The following ATP8A2 variants were observed in gnomAD, a reference collection of about 807,000 sequenced individuals.
ATP8A2 encodes the protein phospholipid-transporting ATPase IB.
ATP8A2 carries 100 observed loss-of-function variants against 165.6 expected under a neutral mutation model. The ratio of observed to expected loss-of-function variants is 0.60; its 90% CI spans 0.51 to 0.71. The LOEUF (loss-of-function observed/expected upper bound fraction) is 0.71. Among genes scored for constraint, ATP8A2 ranks in the 30% least tolerant of loss-of-function variants. The pLI, the probability that ATP8A2 is intolerant of heterozygous loss-of-function variation, is 0.00. For synonymous variants in ATP8A2, 543 were observed against 548.8 expected (o/e 0.99, Z 0.15); for missense variants, 1,227 against 1,479.5 (o/e 0.83, Z 2.80).
chr13:25,658,186 C>T (rs2041975199), intron 24 of ATP8A2, among the ~76,000 whole-genome samples: 1 of 152,178 alleles, frequency 6.6e-6, no homozygotes, highest in Non-Finnish European at 1.5e-5. Flanking sequence ...TTGGCTGTCA[C>T]TAAAAATTAT....
At chr13:25,795,061 T>A (rs1285320481) in intron 27 of ATP8A2, among the ~76,000 whole-genome samples, 3 of 152,174 alleles carry the variant, frequency 2.0e-5, no homozygotes, top group Admixed American at 1.3e-4. Context: ...ATTAATTCTA[T>A]GCATTATAAA....
chr13:25,683,380 C>T (rs950576880), intron 24 of ATP8A2, among the ~76,000 whole-genome samples: 1 of 152,134 alleles, frequency 6.6e-6, no homozygotes. Flanking sequence ...TCTTAAAATG[C>T]GTGATTTCGT....
chr13:25,533,665 G>C (rs1437124161), intron 6 of ATP8A2, among the ~76,000 whole-genome samples: 1 of 152,186 alleles, frequency 6.6e-6, no homozygotes, highest in Admixed American at 6.5e-5. Context: ...AACATTTTTG[G>C]GTGGAAAGGT....
chr13:25,473,358 T>C (rs980096658), intron 2 of ATP8A2, among the ~76,000 whole-genome samples: 15 of 152,182 alleles, frequency 9.9e-5, no homozygotes, highest in Admixed American at 4.6e-4. Context: ...CTACTAGGGA[T>C]TGATTTTCTA....
chr13:25,745,310 T>G (rs2044006947), intron 25 of ATP8A2, among the ~76,000 whole-genome samples: 1 of 152,208 alleles, frequency 6.6e-6, no homozygotes, highest in African/African-American at 2.4e-5. Flanking sequence ...AGAACTCAGC[T>G]TGCTCCTTGT....
chr13:25,637,801 A>C (rs1464039743), intron 24 of ATP8A2, among the ~76,000 whole-genome samples: 1 of 152,164 alleles, frequency 6.6e-6, no homozygotes, highest in Non-Finnish European at 1.5e-5. Context: ...GAATGGACAG[A>C]CTACCTCTTC....
At chr13:25,966,575 C>G (rs1195383131) in intron 34 of ATP8A2, among the ~76,000 whole-genome samples, 2 of 152,152 alleles carry the variant, frequency 1.3e-5, no homozygotes, top group African/African-American at 4.8e-5. Context: ...CAGTGTTTTC[C>G]AATAGCAACA....
chr13:25,837,328 T>C, intron 29 of ATP8A2, 43 bp downstream of exon 29: 1 of 1,607,308 alleles, frequency 6.2e-7, no homozygotes, highest in South Asian at 1.1e-5. Context: ...CAGAAAGGCG[T>C]GGCTGTTTGA....
intron 25 of ATP8A2, among the ~76,000 whole-genome samples, chr13:25,718,718 A>G (rs184404454): frequency 1.4e-3 from 209 of 152,320 alleles, no homozygotes; most frequent in African/African-American, 4.9e-3. Flanking sequence ...TTTAGCCCCA[A>G]ATAAGAAAGA....
chr13:25,414,186 G>GTT (rs10528594), intron 1 of ATP8A2, among the ~76,000 whole-genome samples: 214 of 119,026 alleles, frequency 1.8e-3, no homozygotes, highest in Non-Finnish European at 2.6e-3. Flanking sequence ...GGGCTGTGGT[G>GTT]TTTTTTTTTT....
At chr13:25,956,725 C>A (rs1056917236) in intron 33 of ATP8A2, among the ~76,000 whole-genome samples, 1 of 152,182 alleles carries the variant, frequency 6.6e-6, no homozygotes, top group Non-Finnish European at 1.5e-5. Context: ...ATGCTCTCCC[C>A]ATCAAGCTAC....
intron 2 of ATP8A2, among the ~76,000 whole-genome samples, chr13:25,528,021 T>C (rs762211889): frequency 6.6e-6 from 1 of 152,220 alleles, no homozygotes; most frequent in Admixed American, 6.5e-5. Context: ...GCTGTAGAGG[T>C]ATGCATGATA....
chr13:25,692,772 G>A (rs556765943), intron 24 of ATP8A2, among the ~76,000 whole-genome samples: 19 of 152,244 alleles, frequency 1.2e-4, no homozygotes, highest in Middle Eastern at 3.4e-3. Context: ...GAATGCAAAG[G>A]CCATGCTGAC....
intron 23 of ATP8A2, among the ~76,000 whole-genome samples, chr13:25,584,392 C>A (rs1401441251): frequency 6.6e-6 from 1 of 152,112 alleles, no homozygotes; most frequent in Non-Finnish European, 1.5e-5. Context: ...CCATTATGGA[C>A]CTGTCTCCCA....
chr13:26,009,698 C>T (rs186981065), intron 35 of ATP8A2, among the ~76,000 whole-genome samples: 162 of 152,256 alleles, frequency 1.1e-3, no homozygotes, highest in Middle Eastern at 3.4e-3. Context: ...GCTGTGGACC[C>T]CTCACAGTGT....
At chr13:25,644,935 C>T (rs745958530) in intron 24 of ATP8A2, among the ~76,000 whole-genome samples, 4 of 151,904 alleles carry the variant, frequency 2.6e-5, no homozygotes, top group South Asian at 2.1e-4. Context: ...TATTTTGAGT[C>T]GTATTTTGGG....
chr13:25,938,947 A>G (rs1309075740), intron 33 of ATP8A2, among the ~76,000 whole-genome samples: 1 of 151,546 alleles, frequency 6.6e-6, no homozygotes, highest in African/African-American at 2.4e-5. Context: ...GGTTCAAGCG[A>G]TTCTCTTGCC....
intron 13 of ATP8A2, 51 bp from the exon 14 acceptor site, chr13:25,558,922 C>T: frequency 7.9e-7 from 1 of 1,269,400 alleles, no homozygotes; most frequent in Non-Finnish European, 1.1e-6. Flanking sequence ...ATTTGTTGAT[C>T]TTTGCATCTC....
intron 1 of ATP8A2, among the ~76,000 whole-genome samples, chr13:25,418,204 G>A (rs1282376560): frequency 6.6e-6 from 1 of 152,132 alleles, no homozygotes; most frequent in Non-Finnish European, 1.5e-5. Flanking sequence ...GTGGAATAAT[G>A]GGACTCTGTA....
Sources: gnomAD v4.1 joint callset for allele counts (sites outside exome capture counted in the v4.1 genomes callset) on GRCh38, gnomAD v4.1.1 for gene constraint, MANE v1.5 for transcripts, NCBI Gene and HGNC (gene_info 2026-07-23, HGNC 2026-07-21) for gene names.